Variants in FHL2 observed in about 807,000 individuals in gnomAD.
The protein encoded by FHL2 is four and a half LIM domains 2, also known as four and a half LIM domains protein 2.
A neutral mutation model predicts 32.7 loss-of-function variants in FHL2; 20 were observed. The ratio of observed to expected loss-of-function variants is 0.61; its 90% confidence interval spans 0.43 to 0.89. The LOEUF (loss-of-function observed/expected upper bound fraction) is 0.89, where lower values mean the gene tolerates loss of function less well. FHL2 is among the 40% of genes least tolerant of loss of function. FHL2 has a pLI of 0.00. For missense variants in FHL2, 311 were observed against 358.6 expected (o/e 0.87, Z 1.07); for synonymous variants, 123 against 128.1 (o/e 0.96, Z 0.27).
At chr2:105,374,781 A>T (rs889455384) in intron 3 of FHL2, among the ~76,000 whole-genome samples, 4 of 152,232 alleles carry the variant, frequency 2.6e-5, no homozygotes, top group Non-Finnish European at 4.4e-5. Flanking sequence ...CTTTATGCCC[A>T]GCTTTATCTT....
chr2:105,418,756 G>T (rs1024045169), intron 1 of FHL2, among the ~76,000 whole-genome samples: 2 of 152,172 alleles, frequency 1.3e-5, no homozygotes, highest in Non-Finnish European at 2.9e-5. Flanking sequence ...CCACTGTGGG[G>T]CTGAAAATAG....
At chr2:105,387,361 A>C (rs1218769637) in intron 2 of FHL2, among the ~76,000 whole-genome samples, 1 of 152,222 alleles carries the variant, frequency 6.6e-6, no homozygotes, top group East Asian at 1.9e-4. Context: ...GATTAGATGC[A>C]ATGAGGGCAC....
chr2:105,395,068 C>G (rs1683027721), intron 2 of FHL2, among the ~76,000 whole-genome samples: 2 of 152,262 alleles, frequency 1.3e-5, no homozygotes, highest in South Asian at 4.1e-4. Context: ...TGAGTAACCA[C>G]TGTTTTCCAT....
Position 105,398,882 on chromosome 2 carries a change from C to T in FHL2, c.-116G>A. ...CGGCTCTGCTCCCCTCTCCTTGGGT[C>T]TCGCACCGGATTCGGCCCCCACTTC... On this transcript the variant is annotated 5_prime_UTR_variant, in exon 1 of 7. Transcript: ENST00000530340. The T allele has an allele frequency of 6.6e-7, 1 of 1,517,208 alleles. No individual in the cohort carries two copies. The highest frequency in any genetic ancestry group is 2.2e-5 in the Admixed American group (1 of 46,202). 94.0% of individuals were successfully genotyped at this position (1,517,208 alleles called of 1,614,324 possible).
At chr2:105,411,019 A>G (rs1683772749) in intron 1 of FHL2, among the ~76,000 whole-genome samples, 1 of 152,212 alleles carries the variant, frequency 6.6e-6, no homozygotes, top group African/African-American at 2.4e-5. Context: ...GTCCACCCTG[A>G]ATCTACAGCT....
At chr2:105,405,323 G>A (rs887186787) in intron 1 of FHL2, among the ~76,000 whole-genome samples, 1 of 152,150 alleles carries the variant, frequency 6.6e-6, no homozygotes, top group Non-Finnish European at 1.5e-5. Context: ...TGAGTGAACG[G>A]TTTGCTTCCC....
chr2:105,403,896 CA>C (rs1683548804), upstream of FHL2, among the ~76,000 whole-genome samples: 4 of 152,196 alleles, frequency 2.6e-5, no homozygotes, highest in South Asian at 6.2e-4. Context: ...AAGTTTCAGC[CA>C]GTGGGTCTGA....
intron 1 of FHL2, among the ~76,000 whole-genome samples, chr2:105,412,304 A>AT (rs1363583728): frequency 6.6e-6 from 1 of 152,240 alleles, no homozygotes; most frequent in Non-Finnish European, 1.5e-5. Flanking sequence ...CCTTGAGGTC[A>AT]TTATGCTAAG....
chr2:105,367,100 T>C (rs2104504179), intron 5 of FHL2, among the ~76,000 whole-genome samples: 1 of 152,356 alleles, frequency 6.6e-6, no homozygotes, highest in African/African-American at 2.4e-5. Context: ...ATAAATGATC[T>C]GTCCCATATC....
rs779103780 is a variant in FHL2, at chr2:105,361,302, T to C, written c.821A>G (p.Asp274Gly). 2.5e-5 allele frequency: 40 copies of C among 1,613,486 alleles called. No homozygotes were observed. Among genetic ancestry groups the C allele is most frequent in the Non-Finnish European group, 3.2e-5 (38 of 1,179,798 alleles). The change falls in exon 7 of 7, where the codon GAC (aspartate) becomes GGC (glycine). Residue 274 changes from aspartate (D) to glycine (G), a missense_variant. Transcript: ENST00000530340. Reference protein sequence around the residue: ...LTERDDILCPDCGKDI With the variant: ...LTERDDILCPGCGKDI ...TTGAATTCAGATGTCTTTCCCACAGTCGGGGCACAGGATGTCGTCCCTCTC... is the reference window on the plus strand; with the variant it reads ...TTGAATTCAGATGTCTTTCCCACAGCCGGGGCACAGGATGTCGTCCCTCTC...
chr2:105,395,910 G>A (rs996431819), intron 2 of FHL2, among the ~76,000 whole-genome samples: 5 of 152,148 alleles, frequency 3.3e-5, no homozygotes, highest in African/African-American at 1.2e-4. Context: ...GTTCACACCA[G>A]GCAAGACACC....
intron 1 of FHL2, among the ~76,000 whole-genome samples, chr2:105,431,448 A>G (rs1684427218): frequency 6.6e-6 from 1 of 152,210 alleles, no homozygotes. Context: ...ATTGGGTATG[A>G]ATGAAGGAAG....
At chr2:105,404,333 T>C (rs1308761739) in intron 1 of FHL2, among the ~76,000 whole-genome samples, 2 of 151,916 alleles carry the variant, frequency 1.3e-5, no homozygotes, top group Non-Finnish European at 2.9e-5. Flanking sequence ...GGAAGGTGAG[T>C]AAGTGTCTAA....
chr2:105,404,363 A>T (rs1294634904), intron 1 of FHL2, among the ~76,000 whole-genome samples: 1 of 152,126 alleles, frequency 6.6e-6, no homozygotes, highest in African/African-American at 2.4e-5. Context: ...TGCTGGCGGG[A>T]AGGGGTCAGG....
rs755230829 is a variant in FHL2 at position 105,361,385 on chromosome 2, G to A, written c.738C>T (p.Asn246=). The part of the protein sequence containing the change: ...YISFEERQWH[N]DCFNCKKCSL... ...AGCACTTCTTACAGTTAAAGCAGTC[G>A]TTATGCCACTGCCGTTCCTCAAAGG... Residue 246 remains asparagine (N), a synonymous_variant, in exon 7 of 7, where the codon AAC becomes AAT. Coordinates refer to ENST00000530340, the MANE Select transcript of FHL2 (RefSeq NM_001318895.3). The A allele has an allele frequency of 4.7e-5, 76 of 1,613,990 alleles. No individual in the cohort carries two copies. In the Admixed American group the frequency reaches 7.8e-4, roughly 17 times the overall value.
downstream of FHL2, chr2:105,359,372 CAA>C (rs773718617): frequency 3.3e-5 from 5 of 152,144 alleles, no homozygotes; most frequent in African/African-American, 2.4e-5. Context: ...AGCAAAACCT[CAA>C]GTCAACTATA....
intron 1 of FHL2, among the ~76,000 whole-genome samples, chr2:105,427,440 AGAGT>A (rs916967741): frequency 4.6e-5 from 7 of 152,172 alleles, no homozygotes; most frequent in Middle Eastern, 3.2e-3. Flanking sequence ...TGGACAAGAG[AGAGT>A]GTCTTGTGAA....
chr2:105,388,764 G>C (rs35659801), intron 2 of FHL2, among the ~76,000 whole-genome samples: 22,390 of 151,974 alleles, frequency 0.15, 2,025 homozygotes, highest in South Asian at 0.22. Flanking sequence ...AACCCAGGAA[G>C]TGGAGGTTGC....
Position 105,413,391 on chromosome 2 carries a change from C to T in FHL2, c.-25+25008G>A, listed in dbSNP as rs534901720. Among the ~76,000 whole-genome samples the T allele has an allele frequency of 7.2e-5, 11 of 152,230 alleles. No homozygotes were observed. In the South Asian group the frequency reaches 2.3e-3, roughly 32 times the overall value. On this transcript the variant is annotated intron_variant, in intron 1 of 5. Coordinates refer to the FHL2 transcript ENST00000393352. ...CACTCTCTTTTAAAGAAAAGAGGAA[C>T]AGCACCGCTCCCTGGAGCTATTCTA...
Sources: gnomAD v4.1 joint callset for allele counts (sites outside exome capture counted in the v4.1 genomes callset) on GRCh38, gnomAD v4.1.1 for gene constraint, MANE v1.5 for transcripts, NCBI Gene and HGNC (gene_info 2026-07-23, HGNC 2026-07-21) for gene names.